The following CACNA1E variants were observed in gnomAD, a reference collection of about 807,000 sequenced individuals.
CACNA1E encodes voltage-dependent R-type calcium channel subunit alpha-1E.
CACNA1E carries 40 observed loss-of-function variants against 259.2 expected under a neutral mutation model. The observed-to-expected ratio is 0.15, with a 90% CI of 0.12 to 0.20. The LOEUF (loss-of-function observed/expected upper bound fraction) is 0.20. Ranked by LOEUF, CACNA1E falls within the 10% of genes least tolerant of loss-of-function variation. The pLI is 1.00. For missense variants in CACNA1E, 1,874 were observed against 3,040.1 expected (o/e 0.62, Z 9.02); for synonymous variants, 1,104 against 1,138.5 (o/e 0.97, Z 0.61).
At chr1:181,321,276 T>G (rs182893964) in intron 1 of CACNA1E, among the ~76,000 whole-genome samples, 1 of 152,300 alleles carries the variant, frequency 6.6e-6, no homozygotes, top group East Asian at 1.9e-4. Context: ...CCAAACTTTG[T>G]GTGTCTTCCA....
chr1:181,601,478 A>T (rs572221019), intron 6 of CACNA1E, among the ~76,000 whole-genome samples: 1 of 152,192 alleles, frequency 6.6e-6, no homozygotes, highest in East Asian at 1.9e-4. Context: ...CTATTACATC[A>T]TCTACCTGTC....
In CACNA1E at chr1:181,504,417, C is replaced by T. The variant is rs551826277; in HGVS notation, c.267-6060C>T. 1.6e-3 allele frequency among the ~76,000 whole-genome samples: 251 copies of T among 152,286 alleles called. 1 individual carries two copies. Among genetic ancestry groups the T allele is most frequent in the African/African-American group, 5.8e-3 (239 of 41,552 alleles). ...GTCAGAGCATGGCCTTCTTAGTGTT[C>T]GGATGTCATAGGCTCTGGGAGGAGA... is the stretch of plus-strand genomic sequence containing the variant. On this transcript the variant is annotated intron_variant, in intron 1 of 47. Transcript: ENST00000367573.
intron 47 of CACNA1E, among the ~76,000 whole-genome samples, chr1:181,797,686 T>C (rs1227319253): frequency 6.6e-6 from 1 of 152,156 alleles, no homozygotes; most frequent in Non-Finnish European, 1.5e-5. Flanking sequence ...CCTTAAGAAA[T>C]GCTCTCCTGG....
intron 39 of CACNA1E, 31 bp from the exon 40 acceptor site, chr1:181,783,646 TTG>T (rs1491393958): frequency 3.2e-6 from 4 of 1,260,698 alleles, no homozygotes; most frequent in Admixed American, 3.8e-5. Context: ...TTTTTTTTTT[TTG>T]CCTGCTGTTT....
intron 1 of CACNA1E, among the ~76,000 whole-genome samples, chr1:181,373,635 T>C (rs1405973970): frequency 2.0e-5 from 3 of 151,590 alleles, no homozygotes; most frequent in African/African-American, 7.3e-5. Flanking sequence ...CCTCCCGGGT[T>C]CACGCCATTC....
At chr1:181,417,197 C>A (rs1355321549) in intron 2 of CACNA1E, among the ~76,000 whole-genome samples, 2 of 152,100 alleles carry the variant, frequency 1.3e-5, no homozygotes, top group African/African-American at 4.8e-5. Flanking sequence ...TTTTCACTAT[C>A]CCCTTCCCCA....
intron 3 of CACNA1E, among the ~76,000 whole-genome samples, chr1:181,555,263 C>T (rs149566912): frequency 6.6e-6 from 1 of 152,166 alleles, no homozygotes; most frequent in Non-Finnish European, 1.5e-5. Flanking sequence ...GTATACCTAC[C>T]AGCTCTTGCC....
chr1:181,467,629 G>T (rs1269633504), intron 2 of CACNA1E, among the ~76,000 whole-genome samples: 1 of 152,114 alleles, frequency 6.6e-6, no homozygotes, highest in East Asian at 1.9e-4. Flanking sequence ...GAGACCATCA[G>T]AAAAATAGAG....
intron 3 of CACNA1E, 49 bp downstream of exon 3, chr1:181,511,559 G>T (rs772413180): frequency 2.5e-6 from 4 of 1,599,702 alleles, no homozygotes; most frequent in Admixed American, 1.7e-5. Context: ...AAGGGGGTTG[G>T]TATCATGAGG....
At chr1:181,330,189 T>C (rs1013681398) in intron 1 of CACNA1E, among the ~76,000 whole-genome samples, 1 of 152,106 alleles carries the variant, frequency 6.6e-6, no homozygotes, top group Non-Finnish European at 1.5e-5. Flanking sequence ...TGTTCCTGGA[T>C]TGGACAGAGA....
intron 1 of CACNA1E, among the ~76,000 whole-genome samples, chr1:181,405,648 C>A (rs1053422396): frequency 1.3e-5 from 2 of 152,180 alleles, no homozygotes; most frequent in African/African-American, 4.8e-5. Context: ...TACCTTTCTC[C>A]CTCTCTCCTC....
chr1:181,750,138 G>T (rs530540570), intron 25 of CACNA1E, among the ~76,000 whole-genome samples: 1 of 152,248 alleles, frequency 6.6e-6, no homozygotes, highest in East Asian at 1.9e-4. Context: ...TTAGAAAACT[G>T]CAGTTAAACC....
chr1:181,442,630 C>T (rs1660573357), intron 2 of CACNA1E, among the ~76,000 whole-genome samples: 1 of 152,194 alleles, frequency 6.6e-6, no homozygotes, highest in South Asian at 2.1e-4. Context: ...ATGGCAGGGT[C>T]TCAAAACAGC....
intron 1 of CACNA1E, among the ~76,000 whole-genome samples, chr1:181,373,537 C>CTTT (rs5779097): frequency 2.5e-4 from 30 of 120,928 alleles, no homozygotes; most frequent in African/African-American, 7.3e-4. Flanking sequence ...TCTTTTCTTT[C>CTTT]TTTTTTTTTT....
intron 3 of CACNA1E, among the ~76,000 whole-genome samples, chr1:181,514,701 C>T (rs1666429040): frequency 6.6e-6 from 1 of 152,128 alleles, no homozygotes; most frequent in South Asian, 2.1e-4. Context: ...CTTCTCAGCT[C>T]TCGGTGCTGA....
chr1:181,568,131 A>G (rs1347500086), intron 3 of CACNA1E, among the ~76,000 whole-genome samples: 1 of 152,082 alleles, frequency 6.6e-6, no homozygotes, highest in African/African-American at 2.4e-5. Context: ...CCTGAGTTTC[A>G]TTACCTGCTT....
intron 6 of CACNA1E, among the ~76,000 whole-genome samples, chr1:181,604,637 G>A (rs906268310): frequency 6.6e-5 from 10 of 152,212 alleles, no homozygotes; most frequent in African/African-American, 2.2e-4. Context: ...CACTTGAGAT[G>A]AAATTGGGTC....
Position 181,483,688 on chromosome 1 carries a change from G to C in CACNA1E, c.-57G>C, listed in dbSNP as rs1164602896. On this transcript the variant is annotated 5_prime_UTR_variant, in exon 1 of 48. Coordinates refer to ENST00000367573, the MANE Select transcript of CACNA1E (RefSeq NM_001205293.3). Reference sequence around the variant, plus strand: ...CGTGTGTCTTTCTGCTTGTTGCTGTGTGCGGGTGTTCGGCCGCGATCACCT... The same window carrying C: ...CGTGTGTCTTTCTGCTTGTTGCTGTCTGCGGGTGTTCGGCCGCGATCACCT... 1 of 1,362,042 alleles carries C rather than the reference G, an allele frequency of 7.3e-7. No homozygotes were observed. Among genetic ancestry groups the C allele is most frequent in the Non-Finnish European group, 1.0e-6 (1 of 999,330 alleles). 84.4% of individuals were successfully genotyped at this position (1,362,042 alleles called of 1,614,324 possible).
intron 7 of CACNA1E, among the ~76,000 whole-genome samples, chr1:181,675,939 G>C (rs752479358): frequency 6.6e-6 from 1 of 152,160 alleles, no homozygotes; most frequent in Non-Finnish European, 1.5e-5. Context: ...TTCCTGCTCC[G>C]TTTCTCCTCC....
Sources: gnomAD v4.1 joint callset for allele counts (sites outside exome capture counted in the v4.1 genomes callset) on GRCh38, gnomAD v4.1.1 for gene constraint, MANE v1.5 for transcripts, NCBI Gene and HGNC (gene_info 2026-07-23, HGNC 2026-07-21) for gene names.